The following CTNNA2 variants were observed in gnomAD, a reference collection of about 807,000 sequenced individuals.
CTNNA2 encodes catenin alpha 2, also known as catenin alpha-2.
CTNNA2 carries 42 observed loss-of-function variants against 101.0 expected under a neutral mutation model. That is an observed-to-expected ratio of 0.42 (90% CI 0.32 to 0.54). The LOEUF is 0.54. CTNNA2 is among the 20% of genes least tolerant of loss of function. The probability of loss-of-function intolerance (pLI) is 0.14; values close to 1 mark genes in which losing one functional copy is unlikely to be tolerated. For synonymous variants in CTNNA2, 450 were observed against 456.4 expected, an observed-to-expected ratio of 0.99 and a Z score of 0.18; for missense variants, 871 against 1,223.1, an observed-to-expected ratio of 0.71 and a Z score of 4.29.
chr2:80,046,058 C>T (rs1696501905), intron 7 of CTNNA2, among the ~76,000 whole-genome samples: 1 of 152,184 alleles, frequency 6.6e-6, no homozygotes, highest in Admixed American at 6.5e-5. Context: ...ACTGCTTCCC[C>T]AAGGCAGCAA....
At chr2:80,287,393 T>A (rs1394158386) in intron 7 of CTNNA2, among the ~76,000 whole-genome samples, 4 of 152,182 alleles carry the variant, frequency 2.6e-5, no homozygotes. Flanking sequence ...ATATGATTCA[T>A]CTAGTGAGGT....
chr2:79,485,317 T>G (rs1390294589), intron 4 of CTNNA2, among the ~76,000 whole-genome samples: 1 of 152,202 alleles, frequency 6.6e-6, no homozygotes, highest in Non-Finnish European at 1.5e-5. Context: ...GGAGCTATTT[T>G]AAACTAAAGG....
At chr2:80,569,577 A>G (rs1694368355) in intron 12 of CTNNA2, among the ~76,000 whole-genome samples, 1 of 148,882 alleles carries the variant, frequency 6.7e-6, no homozygotes, top group Admixed American at 6.7e-5. Flanking sequence ...AAGCAGCATC[A>G]TATTTGAGGA....
At chr2:79,894,555 T>C (rs938275412) in intron 6 of CTNNA2, among the ~76,000 whole-genome samples, 2 of 152,164 alleles carry the variant, frequency 1.3e-5, no homozygotes, top group Admixed American at 6.6e-5. Flanking sequence ...ATGAACTGTT[T>C]ATCATTTTCA....
At chr2:80,595,056 A>G (rs1234720540) in intron 15 of CTNNA2, among the ~76,000 whole-genome samples, 1 of 152,090 alleles carries the variant, frequency 6.6e-6, no homozygotes, top group Non-Finnish European at 1.5e-5. Flanking sequence ...TTGGGTTTTG[A>G]TAGGGATTAC....
intron 3 of CTNNA2, among the ~76,000 whole-genome samples, chr2:79,776,078 A>G (rs921294209): frequency 6.6e-5 from 10 of 152,184 alleles, no homozygotes; most frequent in African/African-American, 2.4e-4. Context: ...TTAGTGTCCA[A>G]AGCATTTATT....
intron 2 of CTNNA2, among the ~76,000 whole-genome samples, chr2:79,701,734 G>A (rs1212412994): frequency 1.3e-5 from 2 of 152,164 alleles, no homozygotes; most frequent in Non-Finnish European, 2.9e-5. Flanking sequence ...GGACATGATG[G>A]CTCATGCCTG....
At chr2:79,468,150 C>T (rs2104543396) in intron 4 of CTNNA2, among the ~76,000 whole-genome samples, 1 of 152,198 alleles carries the variant, frequency 6.6e-6, no homozygotes, top group South Asian at 2.1e-4. Flanking sequence ...CATGCAGAGA[C>T]ACACATAGGC....
intron 7 of CTNNA2, among the ~76,000 whole-genome samples, chr2:80,230,854 C>A (rs1211232908): frequency 2.0e-5 from 3 of 152,142 alleles, no homozygotes; most frequent in Non-Finnish European, 2.9e-5. Flanking sequence ...AATAAAGATT[C>A]TCATTCTTTA....
chr2:79,947,840 G>A (rs1688608386), intron 7 of CTNNA2, among the ~76,000 whole-genome samples: 1 of 152,094 alleles, frequency 6.6e-6, no homozygotes, highest in South Asian at 2.1e-4. Flanking sequence ...GAGGTAAAGA[G>A]GACTAAAAGA....
At chr2:79,677,620 A>T (rs569267321) in intron 2 of CTNNA2, among the ~76,000 whole-genome samples, 6 of 152,296 alleles carry the variant, frequency 3.9e-5, no homozygotes, top group African/African-American at 1.4e-4. Flanking sequence ...AAAGTACCAG[A>T]ATTGTAAGAT....
chr2:80,426,987 C>T (rs1053774420), intron 9 of CTNNA2, among the ~76,000 whole-genome samples: 10 of 152,062 alleles, frequency 6.6e-5, no homozygotes, highest in African/African-American at 2.4e-4. Flanking sequence ...TGTAACCATT[C>T]AGCTCTACAA....
chr2:79,356,646 G>T (rs1463808596), intron 3 of CTNNA2, among the ~76,000 whole-genome samples: 1 of 152,138 alleles, frequency 6.6e-6, no homozygotes, highest in Non-Finnish European at 1.5e-5. Flanking sequence ...ACAACCCAAC[G>T]TCTAGTTAGC....
intron 7 of CTNNA2, among the ~76,000 whole-genome samples, chr2:80,219,222 A>G (rs1028314398): frequency 1.3e-5 from 2 of 152,238 alleles, no homozygotes; most frequent in Non-Finnish European, 2.9e-5. Flanking sequence ...TTGCAATGCC[A>G]TCTTTGATTG....
chr2:79,432,227 G>A (rs1046484764), intron 4 of CTNNA2, among the ~76,000 whole-genome samples: 2 of 152,088 alleles, frequency 1.3e-5, no homozygotes, highest in African/African-American at 4.8e-5. Flanking sequence ...TGCAAAGTAC[G>A]ATTATGATAA....
chr2:80,016,921 T>G (rs1262917573), intron 7 of CTNNA2, among the ~76,000 whole-genome samples: 1 of 152,158 alleles, frequency 6.6e-6, no homozygotes, highest in East Asian at 1.9e-4. Context: ...GTGCATAAAT[T>G]AAGGTGAATA....
chr2:80,512,089 G>A (rs1050141072), intron 9 of CTNNA2, among the ~76,000 whole-genome samples: 3 of 142,520 alleles, frequency 2.1e-5, no homozygotes, highest in African/African-American at 2.6e-5. Flanking sequence ...GGTAAAGGTT[G>A]CAGTGAGCCG....
intron 7 of CTNNA2, among the ~76,000 whole-genome samples, chr2:79,913,939 G>C (rs931962858): frequency 7.7e-6 from 1 of 130,020 alleles, no homozygotes. Flanking sequence ...AGGCCGAGGC[G>C]GGCGGATCAC....
At chr2:79,615,019 G>A (rs952459079) in intron 1 of CTNNA2, among the ~76,000 whole-genome samples, 2 of 152,142 alleles carry the variant, frequency 1.3e-5, no homozygotes, top group African/African-American at 4.8e-5. Context: ...TCATTAACCA[G>A]TGTGTGGTTG....
Sources: allele counts gnomAD v4.1 joint callset (sites outside exome capture counted in the v4.1 genomes callset), GRCh38; gene constraint gnomAD v4.1.1; transcripts MANE v1.5; gene names NCBI Gene and HGNC (gene_info 2026-07-23, HGNC 2026-07-21).